Variants in DIP2C observed in about 807,000 individuals in gnomAD.
DIP2C encodes DIP2 acetate--CoA ligase C (putative).
In DIP2C, 33 loss-of-function variants were observed where a neutral mutation model predicts 192.4. That is an observed-to-expected ratio of 0.17 (90% CI 0.13 to 0.23). DIP2C has a LOEUF of 0.23. DIP2C is among the 10% of genes least tolerant of loss of function. The pLI, the probability that DIP2C is intolerant of heterozygous loss-of-function variation, is 1.00. For synonymous variants in DIP2C, 979 were observed against 864.1 expected, an observed-to-expected ratio of 1.13 and a Z score of -2.33; for missense variants, 1,537 against 2,110.1, an observed-to-expected ratio of 0.73 and a Z score of 5.32.
At chr10:389,241 TCA>T (rs1418228436) in intron 13 of DIP2C, among the ~76,000 whole-genome samples, 2 of 151,894 alleles carry the variant, frequency 1.3e-5, no homozygotes, top group African/African-American at 4.8e-5. Flanking sequence ...TCAGGGTACA[TCA>T]CAACGTCTCA....
At chr10:534,671 ATTT>A (rs398045806) in intron 1 of DIP2C, among the ~76,000 whole-genome samples, 1 of 101,814 alleles carries the variant, frequency 9.8e-6, no homozygotes. Flanking sequence ...GATGATTATT[ATTT>A]TTTTTTTTTT....
chr10:378,643 A>G (rs1411050929), intron 17 of DIP2C, among the ~76,000 whole-genome samples: 1 of 131,132 alleles, frequency 7.6e-6, no homozygotes, highest in Non-Finnish European at 1.7e-5. Flanking sequence ...AGACATGCAT[A>G]AAGACACACA....
intron 1 of DIP2C, among the ~76,000 whole-genome samples, chr10:606,297 T>TCACAGCCACACAGCTCAGGG (rs368342656): frequency 4.9e-4 from 74 of 152,092 alleles, no homozygotes; most frequent in African/African-American, 1.7e-3. Flanking sequence ...AAGACACCAG[T>TCACAGCCACACAGCTCAGGG]CACAGCCACA....
rs781337009 is a variant in DIP2C, at chr10:462,914, A to G, written c.268+9525T>C. ...CACATCAACAGAACTAATGACAAAA[A>G]CCACATGATTATCCCAATAGATGCA... On this transcript the variant is annotated intron_variant, in intron 3 of 36. Transcript: ENST00000280886. 2.2e-4 allele frequency among the ~76,000 whole-genome samples: 34 copies of G among 152,298 alleles called. No homozygotes were observed. In the Middle Eastern group the frequency reaches 0.01, roughly 46 times the overall value.
intron 10 of DIP2C, among the ~76,000 whole-genome samples, chr10:395,035 G>A (rs894481870): frequency 8.6e-5 from 13 of 150,996 alleles, no homozygotes; most frequent in African/African-American, 2.9e-4. Context: ...GAAAGACCAA[G>A]GCTACATGAG....
chr10:479,915 G>C (rs577971479), intron 2 of DIP2C, among the ~76,000 whole-genome samples: 1 of 149,624 alleles, frequency 6.7e-6, no homozygotes, highest in African/African-American at 2.5e-5. Flanking sequence ...CCTGAGCTCC[G>C]GTCCATGCTC....
At chr10:470,905 T>C (rs1468322963) in intron 3 of DIP2C, among the ~76,000 whole-genome samples, 2 of 152,188 alleles carry the variant, frequency 1.3e-5, no homozygotes, top group Admixed American at 6.5e-5. Flanking sequence ...CCTGCGTGCA[T>C]GTCTGGGTGT....
At chr10:439,139 C>T (rs1967513301) in intron 4 of DIP2C, among the ~76,000 whole-genome samples, 1 of 152,196 alleles carries the variant, frequency 6.6e-6, no homozygotes, top group Admixed American at 6.5e-5. Context: ...AGCTACCGTG[C>T]CTAGCCCCTA....
At chr10:416,587 C>G (rs1965652399) in intron 6 of DIP2C, among the ~76,000 whole-genome samples, 1 of 152,178 alleles carries the variant, frequency 6.6e-6, no homozygotes, top group South Asian at 2.1e-4. Context: ...CCCTACCTAT[C>G]CAAGTGGACC....
At chr10:580,999 G>C (rs1011439764) in intron 1 of DIP2C, among the ~76,000 whole-genome samples, 2 of 152,184 alleles carry the variant, frequency 1.3e-5, no homozygotes, top group Admixed American at 6.5e-5. Context: ...CTGACAATTT[G>C]ACTCACAGTA....
intron 4 of DIP2C, among the ~76,000 whole-genome samples, chr10:423,644 T>C (rs1423607425): frequency 6.6e-6 from 1 of 152,208 alleles, no homozygotes; most frequent in Middle Eastern, 3.2e-3. Flanking sequence ...TATTTCTACA[T>C]TGGTGTGTTA....
chr10:315,809 A>G (rs1349928456), intron 31 of DIP2C, among the ~76,000 whole-genome samples: 1 of 152,046 alleles, frequency 6.6e-6, no homozygotes, highest in Non-Finnish European at 1.5e-5. Flanking sequence ...CACTACAGGT[A>G]TGTTAGACCC....
rs553828566 is a variant in DIP2C at position 578,986 on chromosome 10, T to C, written c.86-92456A>G. Among the ~76,000 whole-genome samples the C allele has an allele frequency of 3.3e-5, 5 of 152,018 alleles. No homozygotes were observed. In the East Asian group the frequency reaches 5.8e-4, roughly 18 times the overall value. On this transcript the variant is annotated intron_variant, in intron 1 of 36. Transcript: ENST00000280886. ...CACATCCAGATCCATGTAGTGTACA[T>C]ATGTAGGTACACTATAACGTGTATG...
chr10:396,202 C>T (rs1260432224), intron 10 of DIP2C, among the ~76,000 whole-genome samples: 1 of 152,210 alleles, frequency 6.6e-6, no homozygotes, highest in Admixed American at 6.5e-5. Flanking sequence ...TTCATTATTT[C>T]AAAGCATCTT....
intron 1 of DIP2C, among the ~76,000 whole-genome samples, chr10:672,108 C>T (rs1438393203): frequency 1.3e-5 from 2 of 151,490 alleles, no homozygotes; most frequent in East Asian, 1.9e-4. Context: ...AGGCCACAGA[C>T]GCACGGAGGG....
Position 418,047 on chromosome 10 carries a change from G to A in DIP2C, c.739+1018C>T, listed in dbSNP as rs1314352797. 1.9e-3 allele frequency among the ~76,000 whole-genome samples: 45 copies of A among 23,574 alleles called. 5 individuals carry two copies. Among genetic ancestry groups the A allele is most frequent in the Admixed American group, 3.3e-3 (9 of 2,714 alleles). The allele number at this position is 23,574 out of a possible 152,430, so 15.5% of individuals were successfully genotyped here. A position where few individuals can be genotyped will look rare whatever the true frequency, so the allele number is the denominator to read the frequency against. On this transcript the variant is annotated intron_variant, in intron 6 of 36. Transcript: ENST00000280886. ...CTCCCTGTCCACCTGTTCCTGTCAG[G>A]GCTTCGATAGGCCTCCCTGTTCACT...
chr10:641,515 C>T (rs1855196452), intron 1 of DIP2C, among the ~76,000 whole-genome samples: 3 of 152,326 alleles, frequency 2.0e-5, no homozygotes, highest in African/African-American at 7.2e-5. Context: ...CAACGCCCCT[C>T]CTCTCCCACC....
intron 7 of DIP2C, among the ~76,000 whole-genome samples, chr10:414,578 C>T (rs1965414965): frequency 6.6e-6 from 1 of 151,726 alleles, no homozygotes; most frequent in Admixed American, 6.6e-5. Context: ...GGCATGATCA[C>T]AGTTCCCTGC....
At chr10:344,703 CTCAG>C (rs1958343559) in intron 28 of DIP2C, 102 bp downstream of exon 28, 2 of 898,286 alleles carry the variant, frequency 2.2e-6, no homozygotes, top group Non-Finnish European at 3.5e-6. Flanking sequence ...CTTTCCACAT[CTCAG>C]TCTGACTACA....
Sources: gnomAD v4.1 joint callset for allele counts (sites outside exome capture counted in the v4.1 genomes callset) on GRCh38, gnomAD v4.1.1 for gene constraint, MANE v1.5 for transcripts, NCBI Gene and HGNC (gene_info 2026-07-23, HGNC 2026-07-21) for gene names.